Variants in SGCZ observed in about 807,000 individuals in gnomAD.
SGCZ encodes zeta-sarcoglycan.
In SGCZ, 40 loss-of-function variants were observed where a neutral mutation model predicts 41.3. The ratio of observed to expected loss-of-function variants is 0.97; its 90% CI spans 0.75 to 1.26. The LOEUF (loss-of-function observed/expected upper bound fraction) is 1.26, where lower values mean the gene tolerates loss of function less well. SGCZ is among the 50% of genes most tolerant of loss of function. The pLI is 0.00. For synonymous variants in SGCZ, 206 were observed against 137.5 expected (o/e 1.50, Z -3.49); for missense variants, 552 against 369.8 (o/e 1.49, Z -4.04).
At chr8:14,949,112 A>G (rs181820204) in intron 1 of SGCZ, among the ~76,000 whole-genome samples, 2 of 152,240 alleles carry the variant, frequency 1.3e-5, no homozygotes, top group Non-Finnish European at 2.9e-5. Context: ...CAATTTCTCA[A>G]CCAGAAAATC....
At chr8:15,047,626 G>T (rs1804360502) in intron 1 of SGCZ, among the ~76,000 whole-genome samples, 1 of 151,956 alleles carries the variant, frequency 6.6e-6, no homozygotes, top group African/African-American at 2.4e-5. Flanking sequence ...TTATGCCAAT[G>T]CAAGGATCTC....
chr8:14,839,236 A>T (rs1252844717), intron 1 of SGCZ, among the ~76,000 whole-genome samples: 1 of 152,068 alleles, frequency 6.6e-6, no homozygotes, highest in Non-Finnish European at 1.5e-5. Context: ...GTATAGAAAG[A>T]GGGAGAAAGA....
chr8:14,881,104 G>A (rs73666912), intron 1 of SGCZ, among the ~76,000 whole-genome samples: 5,577 of 152,058 alleles, frequency 0.037, 147 homozygotes, highest in African/African-American at 0.066. Context: ...TATATCTAAT[G>A]AAAATAATGC....
At chr8:15,157,010 C>T (rs1799351614) in intron 1 of SGCZ, among the ~76,000 whole-genome samples, 1 of 151,438 alleles carries the variant, frequency 6.6e-6, no homozygotes, top group Non-Finnish European at 1.5e-5. Context: ...CTCAAATATT[C>T]TCAAATAGTT....
At chr8:14,142,099 T>C (rs553210402) in intron 5 of SGCZ, among the ~76,000 whole-genome samples, 8 of 152,196 alleles carry the variant, frequency 5.3e-5, no homozygotes, top group Admixed American at 1.3e-4. Context: ...TTCTCACTCA[T>C]AGGTGGGAAT....
chr8:14,621,004 G>A (rs1182813301), intron 1 of SGCZ, among the ~76,000 whole-genome samples: 1 of 152,042 alleles, frequency 6.6e-6, no homozygotes, highest in Non-Finnish European at 1.5e-5. Flanking sequence ...GTTTATTGCA[G>A]CGCTATTGAC....
At chr8:14,507,773 TG>T (rs1288293756) in intron 2 of SGCZ, among the ~76,000 whole-genome samples, 2 of 62,086 alleles carry the variant, frequency 3.2e-5, no homozygotes, top group Non-Finnish European at 6.0e-5. Flanking sequence ...TTTTTGTTTT[TG>T]TTTTTTTTTT....
At chr8:14,621,869 C>T (rs1411761351) in intron 1 of SGCZ, among the ~76,000 whole-genome samples, 5 of 152,186 alleles carry the variant, frequency 3.3e-5, no homozygotes, top group Admixed American at 6.6e-5. Flanking sequence ...TGTCTATAGA[C>T]TAAGTGGAGT....
intron 5 of SGCZ, among the ~76,000 whole-genome samples, chr8:14,150,290 G>A (rs1803659738): frequency 6.6e-6 from 1 of 151,846 alleles, no homozygotes; most frequent in Non-Finnish European, 1.5e-5. Context: ...ATCTGACAAG[G>A]GATTAATAAC....
intron 3 of SGCZ, among the ~76,000 whole-genome samples, chr8:14,268,343 A>C (rs996913103): frequency 7.0e-6 from 1 of 143,202 alleles, no homozygotes. Context: ...ATTTATATTT[A>C]AAAATATATA....
intron 2 of SGCZ, among the ~76,000 whole-genome samples, chr8:14,482,700 G>A (rs759363719): frequency 8.6e-5 from 13 of 152,012 alleles, no homozygotes; most frequent in South Asian, 2.1e-4. Flanking sequence ...CCTCCCCAAT[G>A]AGGGTGGGGA....
intron 2 of SGCZ, among the ~76,000 whole-genome samples, chr8:14,525,396 A>G (rs1435708048): frequency 2.0e-5 from 3 of 152,186 alleles, no homozygotes; most frequent in Non-Finnish European, 4.4e-5. Flanking sequence ...ATTTGGAAGC[A>G]ATTGAATATT....
At chr8:14,726,542 C>A (rs1810063075) in intron 1 of SGCZ, among the ~76,000 whole-genome samples, 1 of 151,194 alleles carries the variant, frequency 6.6e-6, no homozygotes. Flanking sequence ...ATTGGTTGAC[C>A]AGGAAAATAT....
intron 1 of SGCZ, among the ~76,000 whole-genome samples, chr8:14,628,950 C>A (rs936190963): frequency 3.3e-5 from 5 of 152,130 alleles, no homozygotes; most frequent in Admixed American, 3.3e-4. Context: ...TGATTCACCC[C>A]ATTTCTGAGT....
At chr8:14,139,376 A>C (rs1309127492) in intron 5 of SGCZ, among the ~76,000 whole-genome samples, 2 of 151,072 alleles carry the variant, frequency 1.3e-5, no homozygotes, top group Admixed American at 1.3e-4. Context: ...ACACACAAAA[A>C]ACCCTTCAAA....
chr8:14,384,264 C>T (rs1180212953), intron 2 of SGCZ, among the ~76,000 whole-genome samples: 1 of 152,150 alleles, frequency 6.6e-6, no homozygotes, highest in East Asian at 1.9e-4. Context: ...TGGTTTCCAG[C>T]TTCATCCATG....
intron 1 of SGCZ, among the ~76,000 whole-genome samples, chr8:14,807,416 G>C (rs1410698778): frequency 1.3e-5 from 2 of 151,994 alleles, no homozygotes; most frequent in Non-Finnish European, 2.9e-5. Context: ...AAAAATGACA[G>C]GCATTCTTAT....
At chr8:14,788,397 C>T (rs1409015688) in intron 1 of SGCZ, among the ~76,000 whole-genome samples, 1 of 152,066 alleles carries the variant, frequency 6.6e-6, no homozygotes, top group African/African-American at 2.4e-5. Context: ...GAAAATGTTC[C>T]CTATTACCCT....
intron 4 of SGCZ, among the ~76,000 whole-genome samples, chr8:14,231,489 C>A (rs1331807723): frequency 6.6e-6 from 1 of 151,920 alleles, no homozygotes; most frequent in Non-Finnish European, 1.5e-5. Flanking sequence ...AAACACAGGT[C>A]CAATTATGCA....
Sources: gnomAD v4.1 joint callset for allele counts (sites outside exome capture counted in the v4.1 genomes callset) on GRCh38, gnomAD v4.1.1 for gene constraint, MANE v1.5 for transcripts, NCBI Gene and HGNC (gene_info 2026-07-23, HGNC 2026-07-21) for gene names.